Variants in MPRIP observed in about 807,000 individuals in gnomAD.
MPRIP encodes the protein myosin phosphatase Rho interacting protein, also known as myosin phosphatase Rho-interacting protein.
A neutral mutation model predicts 234.9 loss-of-function variants in MPRIP; 59 were observed. The ratio of observed to expected loss-of-function variants is 0.25; its 90% CI spans 0.20 to 0.31. The LOEUF (loss-of-function observed/expected upper bound fraction) is 0.31. MPRIP is among the 10% of genes least tolerant of loss of function. The pLI, the probability that MPRIP is intolerant of heterozygous loss-of-function variation, is 1.00. For missense variants in MPRIP, 2,436 were observed against 3,071.0 expected (o/e 0.79, Z 4.89); for synonymous variants, 1,144 against 1,263.9 (o/e 0.91, Z 2.01).
chr17:17,115,828 C>T (rs1405996020), intron 3 of MPRIP, among the ~76,000 whole-genome samples: 1 of 152,090 alleles, frequency 6.6e-6, no homozygotes, highest in Non-Finnish European at 1.5e-5. Flanking sequence ...GGCTTCAGAC[C>T]AACACCATGG....
chr17:17,182,947 C>T (rs936106017), intron 23 of MPRIP: 2 of 152,438 alleles, frequency 1.3e-5, no homozygotes, highest in African/African-American at 4.8e-5. Flanking sequence ...TGGCTTGGCC[C>T]CAGCCCCTTC....
intron 16 of MPRIP, chr17:17,169,996 A>G (rs899089034): frequency 5.9e-5 from 9 of 152,086 alleles, no homozygotes; most frequent in Admixed American, 2.6e-4. Context: ...ATAATATTCC[A>G]AAGCACTCAG....
intron 9 of MPRIP, among the ~76,000 whole-genome samples, chr17:17,144,916 C>T (rs1024222604): frequency 4.6e-5 from 7 of 152,214 alleles, no homozygotes; most frequent in South Asian, 4.1e-4. Flanking sequence ...GGCAGTCCCA[C>T]GTCTCAGGTC....
Position 17,173,945 on chromosome 17 carries a change from T to G in MPRIP, c.6620T>G (p.Leu2207Arg). 2 of 1,613,628 alleles carry G rather than the reference T, an allele frequency of 1.2e-6. No homozygotes were observed. Among genetic ancestry groups the G allele is most frequent in the Non-Finnish European group, 1.7e-6 (2 of 1,179,974 alleles). ...GAGCTGCAGTCGGTGCAGCGGGAACTGGAGGTCCTCTCGGAGCAGTACTCG... is the reference window on the plus strand; with the variant it reads ...GAGCTGCAGTCGGTGCAGCGGGAACGGGAGGTCCTCTCGGAGCAGTACTCG... ...LEELQSVQRELEVLSEQYSQK... is the reference protein window; with the variant it reads ...LEELQSVQREREVLSEQYSQK... Residue 2207 changes from leucine (L) to arginine (R), a missense_variant, in exon 19 of 24, where the codon CTG becomes CGG. Physicochemically the swap from Leu to Arg is moderately radical, Grantham distance 102. Coordinates refer to ENST00000651222, the MANE Select transcript of MPRIP (RefSeq NM_001364716.4).
chr17:17,052,194 G>GTCCACCCTGGCTCCAGAC (rs973128307), intron 1 of MPRIP, among the ~76,000 whole-genome samples: 74 of 152,316 alleles, frequency 4.9e-4, no homozygotes, highest in African/African-American at 5.8e-4. Flanking sequence ...CCGTGCCAGA[G>GTCCACCCTGGCTCCAGAC]TCCACCCTGG....
At chr17:17,128,860 T>C (rs2090543787) in intron 4 of MPRIP, among the ~76,000 whole-genome samples, 1 of 152,192 alleles carries the variant, frequency 6.6e-6, no homozygotes, top group Non-Finnish European at 1.5e-5. Flanking sequence ...CCCCTTCCTC[T>C]GCTCCCTCTC....
At chr17:17,088,643 C>T (rs2089646134) in intron 3 of MPRIP, among the ~76,000 whole-genome samples, 1 of 152,200 alleles carries the variant, frequency 6.6e-6, no homozygotes, top group African/African-American at 2.4e-5. Context: ...CTTCCACTCT[C>T]ACCTTTTAGG....
rs1204468032 is a variant in MPRIP at position 17,121,806 on chromosome 17, T to A, written c.268-4896T>A. On this transcript the variant is annotated intron_variant, in intron 3 of 23. Coordinates refer to ENST00000651222, the MANE Select transcript of MPRIP (RefSeq NM_001364716.4). ...TAGTTACTTTTCCTGATCTTCTCCC[T>A]CTTCCCACCCTCCCCACTCTGAAAG... Among the ~76,000 whole-genome samples the A allele has an allele frequency of 3.9e-5, 6 of 152,230 alleles. No individual in the cohort carries two copies. In the East Asian group the frequency reaches 1.2e-3, roughly 29 times the overall value.
At chr17:17,060,380 T>C (rs1175577148) in intron 1 of MPRIP, among the ~76,000 whole-genome samples, 1 of 152,226 alleles carries the variant, frequency 6.6e-6, no homozygotes, top group Non-Finnish European at 1.5e-5. Flanking sequence ...GCCCTTCACC[T>C]GTGTCACCCT....
intron 23 of MPRIP, 34 bp from the exon 24 acceptor site, chr17:17,184,789 G>A: frequency 6.4e-7 from 1 of 1,566,296 alleles, no homozygotes; most frequent in African/African-American, 1.4e-5. Context: ...CTAACGGTGT[G>A]TTTATTTTCT....
intron 3 of MPRIP, among the ~76,000 whole-genome samples, chr17:17,094,398 G>A (rs576264060): frequency 1.3e-5 from 2 of 152,272 alleles, no homozygotes; most frequent in African/African-American, 4.8e-5. Context: ...CAAATAAACT[G>A]AATTTTCCTT....
chr17:17,064,380 C>G (rs1272310307), intron 1 of MPRIP, among the ~76,000 whole-genome samples: 1 of 151,932 alleles, frequency 6.6e-6, no homozygotes, highest in Non-Finnish European at 1.5e-5. Flanking sequence ...TATTAAACTA[C>G]TTACGTTGAG....
At position 17,161,397 on chromosome 17, in the gene MPRIP, A is replaced by T. The variant is rs866771536; in HGVS notation, c.2517+41A>T. 4.2e-6 allele frequency: 6 copies of T among 1,414,504 alleles called. No individual in the cohort carries two copies. In the Middle Eastern group the frequency reaches 5.3e-4, roughly 125 times the overall value. 87.6% of individuals were successfully genotyped at this position (1,414,504 alleles called of 1,614,324 possible). ...TGCTGTGGCCCATGGTGCGCTCAGG[A>T]GCTTCAGTGTGAAGGGTTCATGCTC... is the stretch of plus-strand genomic sequence containing the variant. On this transcript the variant is annotated intron_variant, in intron 15 of 23. Coordinates refer to ENST00000651222, the MANE Select transcript of MPRIP (RefSeq NM_001364716.4).
At chr17:17,160,329 G>A (rs887022001) in intron 14 of MPRIP, among the ~76,000 whole-genome samples, 2 of 152,164 alleles carry the variant, frequency 1.3e-5, no homozygotes, top group African/African-American at 4.8e-5. Flanking sequence ...TCGCACCATC[G>A]TACTCCAGCC....
chr17:17,160,643 T>C (rs908480112), intron 14 of MPRIP, among the ~76,000 whole-genome samples: 4 of 152,248 alleles, frequency 2.6e-5, no homozygotes, highest in Non-Finnish European at 5.9e-5. Context: ...TTGAGGGAAC[T>C]GCGGGAACTC....
At chr17:17,064,125 G>A (rs553048001) in intron 1 of MPRIP, among the ~76,000 whole-genome samples, 31 of 152,278 alleles carry the variant, frequency 2.0e-4, no homozygotes, top group African/African-American at 6.7e-4. Context: ...AAGAAGGCCC[G>A]TGGCCATACC....
intron 18 of MPRIP, among the ~76,000 whole-genome samples, chr17:17,173,399 A>G (rs1309117676): frequency 6.6e-6 from 1 of 152,220 alleles, no homozygotes; most frequent in African/African-American, 2.4e-5. Flanking sequence ...GGCAGCAGTC[A>G]GCAGCACCCT....
At chr17:17,096,865 C>G (rs2089859047) in intron 3 of MPRIP, 2 of 457,808 alleles carry the variant, frequency 4.4e-6, no homozygotes, top group African/African-American at 2.0e-5. Flanking sequence ...CAGAGGGGCT[C>G]AGAGGTGGAA....
At chr17:17,061,265 C>T (rs1312314282) in intron 1 of MPRIP, among the ~76,000 whole-genome samples, 7 of 152,212 alleles carry the variant, frequency 4.6e-5, no homozygotes, top group African/African-American at 1.7e-4. Context: ...CAGAATGTCC[C>T]AGAAAAGACG....
Sources: allele counts gnomAD v4.1 joint callset (sites outside exome capture counted in the v4.1 genomes callset), GRCh38; gene constraint gnomAD v4.1.1; transcripts MANE v1.5; gene names NCBI Gene and HGNC (gene_info 2026-07-23, HGNC 2026-07-21).